The following KCNJ3 variants were observed in gnomAD, a reference collection of about 807,000 sequenced individuals.
KCNJ3 encodes G protein-activated inward rectifier potassium channel 1.
A neutral mutation model predicts 39.2 loss-of-function variants in KCNJ3; 4 were observed. The observed-to-expected ratio is 0.10, with a 90% CI of 0.05 to 0.23. The LOEUF (loss-of-function observed/expected upper bound fraction) is 0.23. Among genes scored for constraint, KCNJ3 ranks in the 10% least tolerant of loss-of-function variants. The pLI, the probability that KCNJ3 is intolerant of heterozygous loss-of-function variation, is 1.00. For missense variants in KCNJ3, 276 were observed against 634.9 expected (o/e 0.43, Z 6.08); for synonymous variants, 230 against 237.4 (o/e 0.97, Z 0.29).
intron 2 of KCNJ3, among the ~76,000 whole-genome samples, chr2:154,791,075 G>C (rs1381380481): frequency 6.6e-6 from 1 of 152,094 alleles, no homozygotes; most frequent in Admixed American, 6.6e-5. Flanking sequence ...ACACAGGGAA[G>C]AGTACTGGAG....
Position 154,753,733 on chromosome 2 carries a change from GAT to G in KCNJ3, c.919+43916_919+43917del, listed in dbSNP as rs560767224. On this transcript the variant is annotated intron_variant, in intron 2 of 2. Coordinates refer to ENST00000295101, the MANE Select transcript of KCNJ3 (RefSeq NM_002239.4). ...AGGGCTGACTGTGGCATTTATAAGT[GAT>G]AGATTTTAAACATCATTCAGAAGAC... Among the ~76,000 whole-genome samples, 800 of 152,260 alleles carry G rather than the reference GAT, an allele frequency of 5.3e-3. 10 individuals are homozygous for G. The highest frequency in any genetic ancestry group is 0.018 in the African/African-American group (762 of 41,568).
At chr2:154,854,106 C>T (rs1687800629) in intron 2 of KCNJ3, among the ~76,000 whole-genome samples, 2 of 152,058 alleles carry the variant, frequency 1.3e-5, no homozygotes, top group Non-Finnish European at 2.9e-5. Context: ...CTTTTGTCCT[C>T]CCACCCCCCA....
intron 2 of KCNJ3, among the ~76,000 whole-genome samples, chr2:154,769,618 G>A (rs1340230883): frequency 6.6e-6 from 1 of 152,122 alleles, no homozygotes; most frequent in Non-Finnish European, 1.5e-5. Flanking sequence ...TTGTGTCGAT[G>A]TTCATCAGGG....
intron 2 of KCNJ3, among the ~76,000 whole-genome samples, chr2:154,755,862 T>C (rs1214174634): frequency 6.6e-6 from 1 of 152,046 alleles, no homozygotes; most frequent in African/African-American, 2.4e-5. Context: ...CTTTCTGATA[T>C]TGTTACTTAA....
chr2:154,759,363 C>CTT (rs34268624), intron 2 of KCNJ3, among the ~76,000 whole-genome samples: 212 of 148,198 alleles, frequency 1.4e-3, no homozygotes, highest in Non-Finnish European at 2.0e-3. Flanking sequence ...ATTTTTACAA[C>CTT]TTTTTTTTTT....
At chr2:154,810,426 G>T (rs1323093818) in intron 2 of KCNJ3, among the ~76,000 whole-genome samples, 1 of 151,922 alleles carries the variant, frequency 6.6e-6, no homozygotes, top group African/African-American at 2.4e-5. Context: ...AGAAAAACAG[G>T]CAAGACAAGA....
intron 2 of KCNJ3, among the ~76,000 whole-genome samples, chr2:154,832,149 C>T (rs1159117461): frequency 6.6e-6 from 1 of 152,004 alleles, no homozygotes; most frequent in Non-Finnish European, 1.5e-5. Flanking sequence ...TGCCCCCATG[C>T]ATCTAGACAC....
At chr2:154,771,725 T>C (rs1345120164) in intron 2 of KCNJ3, among the ~76,000 whole-genome samples, 1 of 152,098 alleles carries the variant, frequency 6.6e-6, no homozygotes, top group African/African-American at 2.4e-5. Context: ...AAGGGACAGT[T>C]CAATCCTGTT....
At chr2:154,736,792 C>T (rs546864215) in intron 2 of KCNJ3, among the ~76,000 whole-genome samples, 39 of 152,114 alleles carry the variant, frequency 2.6e-4, no homozygotes, top group Non-Finnish European at 3.5e-4. Flanking sequence ...GGATGTCACA[C>T]GAGGAAGTCC....
chr2:154,792,883 G>A (rs1686659243), intron 2 of KCNJ3, among the ~76,000 whole-genome samples: 2 of 152,094 alleles, frequency 1.3e-5, no homozygotes, highest in Non-Finnish European at 2.9e-5. Flanking sequence ...GATTATAAAT[G>A]GAGACCATGG....
chr2:154,703,581 T>G (rs1281395294), intron 1 of KCNJ3, among the ~76,000 whole-genome samples: 1 of 151,848 alleles, frequency 6.6e-6, no homozygotes, highest in Non-Finnish European at 1.5e-5. Flanking sequence ...TATTATCAAG[T>G]GCAGATGCAA....
At chr2:154,802,290 T>C (rs539207428) in intron 2 of KCNJ3, among the ~76,000 whole-genome samples, 54 of 152,010 alleles carry the variant, frequency 3.6e-4, no homozygotes, top group Non-Finnish European at 5.4e-4. Flanking sequence ...TAATGTTCCA[T>C]AGATGGGAAC....
rs111876448 is a variant in KCNJ3 at position 154,796,067 on chromosome 2, T to C, written c.920-58660T>C. Among the ~76,000 whole-genome samples the C allele has an allele frequency of 6.7e-3, 1,014 of 152,248 alleles. 22 individuals carry two copies. Among genetic ancestry groups the C allele is most frequent in the African/African-American group, 0.023 (941 of 41,572 alleles). ...TGTGCCTTTCTTTAACTATCATGTA[T>C]ATAACATGAGTGATAGATTAAAACG... On this transcript the variant is annotated intron_variant, in intron 2 of 2. Transcript: ENST00000295101.
chr2:154,814,435 C>T (rs2652455), intron 2 of KCNJ3, among the ~76,000 whole-genome samples: 25,189 of 151,914 alleles, frequency 0.17, 2,636 homozygotes, highest in East Asian at 0.37. Context: ...GTCAGGAGTT[C>T]GAGACCAGGC....
At chr2:154,702,816 T>C (rs1216958696) in intron 1 of KCNJ3, among the ~76,000 whole-genome samples, 2 of 152,022 alleles carry the variant, frequency 1.3e-5, no homozygotes, top group Non-Finnish European at 2.9e-5. Flanking sequence ...GAATATTCTT[T>C]CTTCCTCTTC....
intron 2 of KCNJ3, among the ~76,000 whole-genome samples, chr2:154,794,352 C>T (rs1276965795): frequency 1.3e-5 from 2 of 151,918 alleles, no homozygotes; most frequent in Non-Finnish European, 2.9e-5. Flanking sequence ...GAAACTAATT[C>T]ACCTTCTTGC....
chr2:154,795,749 A>G (rs1420230061), intron 2 of KCNJ3, among the ~76,000 whole-genome samples: 1 of 152,112 alleles, frequency 6.6e-6, no homozygotes, highest in Non-Finnish European at 1.5e-5. Context: ...CAGTCATGTA[A>G]GAATACCTGC....
intron 2 of KCNJ3, among the ~76,000 whole-genome samples, chr2:154,736,911 G>A (rs1685557979): frequency 6.6e-6 from 1 of 152,154 alleles, no homozygotes; most frequent in Non-Finnish European, 1.5e-5. Context: ...CCCAGGTAAA[G>A]CATAGAGATG....
chr2:154,764,864 T>C (rs1250955081), intron 2 of KCNJ3, among the ~76,000 whole-genome samples: 1 of 151,984 alleles, frequency 6.6e-6, no homozygotes, highest in Non-Finnish European at 1.5e-5. Context: ...CTTGGATCCT[T>C]GGATGCCCCA....
Sources: allele counts gnomAD v4.1 joint callset (sites outside exome capture counted in the v4.1 genomes callset), GRCh38; gene constraint gnomAD v4.1.1; transcripts MANE v1.5; gene names NCBI Gene and HGNC (gene_info 2026-07-23, HGNC 2026-07-21).